The following CYSLTR2 variants were observed in gnomAD, a reference collection of about 807,000 sequenced individuals.
CYSLTR2 encodes cysteinyl leukotriene receptor 2.
For missense variants in CYSLTR2, 398 were observed against 411.9 expected, an observed-to-expected ratio of 0.97 and a Z score of 0.29; for synonymous variants, 179 against 160.8, an observed-to-expected ratio of 1.11 and a Z score of -0.86.
At chr13:48,655,482 C>T (rs1239673343) in intron 1 of CYSLTR2, among the ~76,000 whole-genome samples, 1 of 152,166 alleles carries the variant, frequency 6.6e-6, no homozygotes, top group African/African-American at 2.4e-5. Context: ...TGGTTTCTCC[C>T]ATCAGGGACT....
chr13:48,680,922 G>T (rs1274251156), intron 1 of CYSLTR2, among the ~76,000 whole-genome samples: 1 of 150,956 alleles, frequency 6.6e-6, no homozygotes, highest in East Asian at 1.9e-4. Flanking sequence ...AGAAAGTGTC[G>T]AACTAAATGG....
At position 48,707,857 on chromosome 13, in the gene CYSLTR2, A is replaced by T; in HGVS notation, c.1040A>T (p.Ter347LeuextTer5). ...TGGTTGAGAAAGGAAACAAGAGTAT[A>T]AGGAGCTCTTAGATGAGACCTGTTC... ...SVWLRKETRV[*>L] The change falls in exon 5 of 5, where the codon TAA becomes TTA. Residue 347 changes from the stop codon to leucine, a stop_lost. Coordinates refer to ENST00000682523, the MANE Select transcript of CYSLTR2 (RefSeq NM_001308476.3). 1 of 1,519,556 alleles carries T rather than the reference A, an allele frequency of 6.6e-7. No individual in the cohort carries two copies. Among genetic ancestry groups the T allele is most frequent in the Non-Finnish European group, 8.8e-7 (1 of 1,135,742 alleles). 94.1% of individuals were successfully genotyped at this position (1,519,556 alleles called of 1,614,324 possible).
chr13:48,701,788 T>C (rs1008701610), intron 4 of CYSLTR2, among the ~76,000 whole-genome samples: 7 of 152,104 alleles, frequency 4.6e-5, no homozygotes, highest in Non-Finnish European at 8.8e-5. Context: ...TGTGGAGAAA[T>C]AGGAACGCTT....
At chr13:48,676,796 G>A (rs1182194476) in intron 1 of CYSLTR2, among the ~76,000 whole-genome samples, 2 of 152,286 alleles carry the variant, frequency 1.3e-5, no homozygotes, top group African/African-American at 4.8e-5. Flanking sequence ...TCCCAGATTT[G>A]TTTCTTTATT....
chr13:48,695,176 A>G (rs560673867), intron 3 of CYSLTR2, among the ~76,000 whole-genome samples: 1 of 146,074 alleles, frequency 6.8e-6, no homozygotes, highest in African/African-American at 2.5e-5. Context: ...CTGGGTTCAA[A>G]TGATCCTCTC....
At chr13:48,703,055 A>C (rs1348118782) in intron 4 of CYSLTR2, among the ~76,000 whole-genome samples, 3 of 152,194 alleles carry the variant, frequency 2.0e-5, no homozygotes, top group Non-Finnish European at 4.4e-5. Context: ...GAATATAAAT[A>C]GTATTGCATT....
At chr13:48,679,329 T>C (rs1398255851) in intron 1 of CYSLTR2, among the ~76,000 whole-genome samples, 3 of 152,166 alleles carry the variant, frequency 2.0e-5, no homozygotes, top group Admixed American at 1.3e-4. Flanking sequence ...CCCTTCTTCC[T>C]CATAGAGCTT....
intron 1 of CYSLTR2, among the ~76,000 whole-genome samples, chr13:48,677,623 A>G (rs961731542): frequency 1.3e-5 from 2 of 152,140 alleles, no homozygotes; most frequent in Admixed American, 6.6e-5. Context: ...TTACATGAGA[A>G]AGATGCACTG....
At chr13:48,667,762 G>C (rs1953303867) in intron 1 of CYSLTR2, among the ~76,000 whole-genome samples, 1 of 152,204 alleles carries the variant, frequency 6.6e-6, no homozygotes, top group African/African-American at 2.4e-5. Flanking sequence ...CACAGTATGT[G>C]CTAGCTCTTG....
At chr13:48,697,511 G>A (rs4942774) in intron 4 of CYSLTR2, among the ~76,000 whole-genome samples, 26,365 of 152,056 alleles carry the variant, frequency 0.17, 2,389 homozygotes, top group Middle Eastern at 0.29. Flanking sequence ...CCATCTGTAC[G>A]TCACCATCAT....
In CYSLTR2 at chr13:48,709,185, A is replaced by G. The variant is rs1594038348; in HGVS notation, c.*1327A>G. 6.0e-6 allele frequency: 1 copy of G among 167,102 alleles called. No homozygotes were observed. The highest frequency in any genetic ancestry group is 6.5e-5 in the Admixed American group (1 of 15,292). 10.4% of individuals were successfully genotyped at this position (167,102 alleles called of 1,614,324 possible). On this transcript the variant is annotated 3_prime_UTR_variant, in exon 5 of 5. Transcript: ENST00000682523. ...CCACTACCCTTGTAAACTTCCAGGA[A>G]GATTGGTTGAAAGTCTGAATAAAAG...
At chr13:48,695,141 C>T (rs898027429) in intron 3 of CYSLTR2, among the ~76,000 whole-genome samples, 1 of 124,328 alleles carries the variant, frequency 8.0e-6, no homozygotes, top group South Asian at 2.8e-4. Context: ...ACTGTGTGAT[C>T]ACAGTTCACT....
chr13:48,697,254 C>A (rs1258848344), intron 4 of CYSLTR2, among the ~76,000 whole-genome samples: 7 of 152,204 alleles, frequency 4.6e-5, no homozygotes, highest in Non-Finnish European at 1.0e-4. Context: ...CTGGGAAAAA[C>A]CTCCCAGTAG....
chr13:48,671,404 G>C (rs938828679), intron 1 of CYSLTR2, among the ~76,000 whole-genome samples: 1 of 152,176 alleles, frequency 6.6e-6, no homozygotes, highest in African/African-American at 2.4e-5. Context: ...TATGGTATTG[G>C]CTGTGGGTTT....
chr13:48,654,251 TTGTGTG>T (rs372575519), intron 1 of CYSLTR2, among the ~76,000 whole-genome samples: 4,517 of 129,120 alleles, frequency 0.035, 58 homozygotes, highest in Admixed American at 0.048. Context: ...GATCGTCCCT[TTGTGTG>T]TGTGTGTGTG....
chr13:48,664,851 T>G (rs1693688439), intron 1 of CYSLTR2, among the ~76,000 whole-genome samples: 1 of 151,968 alleles, frequency 6.6e-6, no homozygotes, highest in South Asian at 2.1e-4. Flanking sequence ...CTTCTACTAA[T>G]TTTGGGCTTA....
chr13:48,706,157 C>T (rs961041712), intron 4 of CYSLTR2, among the ~76,000 whole-genome samples: 2 of 151,704 alleles, frequency 1.3e-5, no homozygotes, highest in Non-Finnish European at 1.5e-5. Context: ...CCACTGGGCC[C>T]GCTAATTTTT....
chr13:48,708,434 G>A lies in CYSLTR2; in HGVS notation c.*576G>A, dbSNP rs1954560469. 6.0e-6 allele frequency: 1 copy of A among 167,234 alleles called. No individual in the cohort carries two copies. The highest frequency in any genetic ancestry group is 2.4e-5 in the African/African-American group (1 of 41,442). The allele number at this position is 167,234 out of a possible 1,614,324, so 10.4% of individuals were successfully genotyped here. A position where few individuals can be genotyped will look rare whatever the true frequency, so the allele number is the denominator to read the frequency against. On this transcript the variant is annotated 3_prime_UTR_variant, in exon 5 of 5. Coordinates refer to ENST00000682523, the MANE Select transcript of CYSLTR2 (RefSeq NM_001308476.3). ...CAAAAGAGAACTGGCAATAAGTAGGGGAAGGAAGAATTTCATTTTGCATTG... is the reference window on the plus strand; with the variant it reads ...CAAAAGAGAACTGGCAATAAGTAGGAGAAGGAAGAATTTCATTTTGCATTG...
rs1400837221 is a variant in CYSLTR2, at chr13:48,669,632, T to C, written c.-266+15615T>C. Among the ~76,000 whole-genome samples the C allele has an allele frequency of 2.0e-5, 3 of 152,368 alleles. No individual in the cohort carries two copies. In the East Asian group the frequency reaches 5.8e-4, roughly 29 times the overall value. ...CTCATTATTTTTTATGGCTGCATAGTATTCCATGGTGTATATGTACCACGT... is the reference window on the plus strand; with the variant it reads ...CTCATTATTTTTTATGGCTGCATAGCATTCCATGGTGTATATGTACCACGT... On this transcript the variant is annotated intron_variant, in intron 1 of 4. Transcript: ENST00000682523.
Sources: allele counts gnomAD v4.1 joint callset (sites outside exome capture counted in the v4.1 genomes callset), GRCh38; gene constraint gnomAD v4.1.1; transcripts MANE v1.5; gene names NCBI Gene and HGNC (gene_info 2026-07-23, HGNC 2026-07-21).